Variants in TMEM64 observed in about 807,000 individuals in gnomAD.
The protein encoded by TMEM64 is transmembrane protein 64.
A neutral mutation model predicts 24.5 loss-of-function variants in TMEM64; 19 were observed. The observed-to-expected ratio is 0.78, with a 90% CI of 0.54 to 1.14. The LOEUF (loss-of-function observed/expected upper bound fraction) is 1.14. TMEM64 is among the 50% of genes most tolerant of loss of function. The pLI, the probability that TMEM64 is intolerant of heterozygous loss-of-function variation, is 0.00. For missense variants in TMEM64, 487 were observed against 493.0 expected (o/e 0.99, Z 0.12); for synonymous variants, 262 against 224.7 (o/e 1.17, Z -1.49).
chr8:90,645,949 G>A lies in TMEM64; in HGVS notation c.-44C>T. The A allele has an allele frequency of 9.3e-7, 1 of 1,076,194 alleles. No individual in the cohort carries two copies. The highest frequency in any genetic ancestry group is 1.1e-6 in the Non-Finnish European group (1 of 876,890). The allele number at this position is 1,076,194 out of a possible 1,614,324, so 66.7% of individuals were successfully genotyped here. A position where few individuals can be genotyped will look rare whatever the true frequency, so the allele number is the denominator to read the frequency against. On this transcript the variant is annotated 5_prime_UTR_variant, in exon 1 of 3. Coordinates refer to ENST00000458549, the MANE Select transcript of TMEM64 (RefSeq NM_001008495.4). The surrounding 1 kb of genome is among the most constrained non-coding windows in gnomAD (Gnocchi z 4.2). ...CCCTCAGCCGGCCAGCCCCTCCGCC[G>A]CGGCGCCCGTTAGGCAGCTGCCCTT... is the stretch of plus-strand genomic sequence containing the variant.
At chr8:90,630,604 C>T (rs577259844) in intron 2 of TMEM64, among the ~76,000 whole-genome samples, 1 of 152,144 alleles carries the variant, frequency 6.6e-6, no homozygotes, top group African/African-American at 2.4e-5. Flanking sequence ...TAAATATTCC[C>T]ATCATGGGCA....
At chr8:90,638,248 T>C (rs1809551592) in intron 1 of TMEM64, among the ~76,000 whole-genome samples, 2 of 152,352 alleles carry the variant, frequency 1.3e-5, no homozygotes, top group Non-Finnish European at 2.9e-5. Flanking sequence ...TGTCACACTA[T>C]GTCCCAGTCA....
intron 2 of TMEM64, among the ~76,000 whole-genome samples, chr8:90,627,406 C>T (rs950895308): frequency 2.7e-5 from 4 of 145,892 alleles, no homozygotes; most frequent in African/African-American, 1.0e-4. Flanking sequence ...TTACCGAAAA[C>T]TCCTAAGTTT....
At chr8:90,634,743 A>G (rs1809489613) in intron 1 of TMEM64, among the ~76,000 whole-genome samples, 2 of 152,162 alleles carry the variant, frequency 1.3e-5, no homozygotes, top group African/African-American at 4.8e-5. Context: ...TGCCACTACT[A>G]CTGATTTTGA....
At chr8:90,632,186 G>A (rs184679711) in intron 1 of TMEM64, among the ~76,000 whole-genome samples, 4 of 152,260 alleles carry the variant, frequency 2.6e-5, no homozygotes, top group Non-Finnish European at 5.9e-5. Context: ...TTGCTCTGTC[G>A]CCCAGAGTGG....
Position 90,641,075 on chromosome 8 carries a change from G to A in TMEM64, c.795+4036C>T, listed in dbSNP as rs531813045. 3.3e-5 allele frequency among the ~76,000 whole-genome samples: 5 copies of A among 152,264 alleles called. No individual in the cohort carries two copies. The South Asian group carries it at 1.0e-3, about 32-fold the overall frequency. On this transcript the variant is annotated intron_variant, in intron 1 of 2. Transcript: ENST00000458549. The stretch of plus-strand genomic sequence containing the variant: ...AAATAAAAATACAAGATATATGTGA[G>A]AAATTAAGGGCCTCTTCCTACAGTT...
At chr8:90,634,864 A>G (rs1200044043) in intron 1 of TMEM64, among the ~76,000 whole-genome samples, 2 of 152,216 alleles carry the variant, frequency 1.3e-5, no homozygotes, top group African/African-American at 2.4e-5. Flanking sequence ...AATCAGCTAT[A>G]GGTGAATCTA....
intron 1 of TMEM64, among the ~76,000 whole-genome samples, chr8:90,637,364 C>A (rs7826178): frequency 0.51 from 77,766 of 151,956 alleles, 22,087 homozygotes; most frequent in African/African-American, 0.74. Context: ...TTAACCCACC[C>A]AGAAACTTTG....
In TMEM64 at chr8:90,626,627, TTC is replaced by T. The variant is rs200447870; in HGVS notation, c.952-767_952-766del. Among the ~76,000 whole-genome samples, 124 of 135,778 alleles carry T rather than the reference TTC, an allele frequency of 9.1e-4. 2 individuals are homozygous for T. The highest frequency in any genetic ancestry group is 3.2e-3 in the African/African-American group (105 of 32,850). 89.1% of individuals were successfully genotyped at this position (135,778 alleles called of 152,430 possible). On this transcript the variant is annotated intron_variant, in intron 2 of 2. Transcript: ENST00000458549. Reference sequence around the variant, plus strand: ...TGGTCCCTCTGTACTTTTTTTTTCTTTCTTTTTTTTTTTTTTTTTTTGAGATG... The same window carrying T: ...TGGTCCCTCTGTACTTTTTTTTTCTTTTTTTTTTTTTTTTTTTTTGAGATG...
At chr8:90,635,913 C>T (rs1484327703) in intron 1 of TMEM64, among the ~76,000 whole-genome samples, 2 of 152,148 alleles carry the variant, frequency 1.3e-5, no homozygotes, top group East Asian at 1.9e-4. Context: ...AAATAGAACA[C>T]ATAATTGACA....
intron 1 of TMEM64, among the ~76,000 whole-genome samples, chr8:90,638,271 C>T (rs1809551793): frequency 6.6e-6 from 1 of 152,204 alleles, no homozygotes; most frequent in Non-Finnish European, 1.5e-5. Context: ...TCAAAATTTT[C>T]TCAGTTCCTA....
chr8:90,646,015 C>T lies in TMEM64; in HGVS notation c.-110G>A. On this transcript the variant is annotated 5_prime_UTR_variant, in exon 1 of 3. Coordinates refer to ENST00000458549, the MANE Select transcript of TMEM64 (RefSeq NM_001008495.4). The stretch of plus-strand genomic sequence containing the variant: ...GCCCGGCATCGACTCCCTGCGTCCG[C>T]TCAGAGGGTGGGAGACGGCCCGTAG... 2.1e-6 allele frequency: 1 copy of T among 482,718 alleles called. No homozygotes were observed. Among genetic ancestry groups the T allele is most frequent in the Non-Finnish European group, 2.8e-6 (1 of 360,826 alleles). 29.9% of individuals were successfully genotyped at this position (482,718 alleles called of 1,614,324 possible).
rs1297304267 is a variant in TMEM64, at chr8:90,645,428, C to A, written c.478G>T (p.Val160Phe). ...ATGAAGCCCACGACGAAGAGCAGGA[C>A]CCCCAGCAGCGAGTCAAGGCTCTCC... ...WVESLDSLLG[V>F]LLFVVGFIVV... The change falls in exon 1 of 3, where the codon GTC (valine) becomes TTC (phenylalanine). Residue 160 changes from valine (V) to phenylalanine (F), a missense_variant. Around this residue, in one of 3 missense-constraint regions of TMEM64, gnomAD observed 419 missense variants for 407.5 expected, o/e 1.03. Transcript: ENST00000458549. This position sits in a 1 kb window ranked among gnomAD's most constrained non-coding sequence, Gnocchi z 4.2. 1.9e-6 allele frequency: 3 copies of A among 1,551,600 alleles called. No individual in the cohort carries two copies. The highest frequency in any genetic ancestry group is 1.2e-5 in the South Asian group (1 of 84,066).
In TMEM64 at chr8:90,645,841, G is replaced by A; in HGVS notation, c.65C>T (p.Pro22Leu). 2.7e-6 allele frequency: 3 copies of A among 1,104,494 alleles called. No homozygotes were observed. Among genetic ancestry groups the A allele is most frequent in the South Asian group, 4.3e-5 (1 of 23,182 alleles). 68.4% of individuals were successfully genotyped at this position (1,104,494 alleles called of 1,614,324 possible). ...LPRLLQHAAL[P>L]GLAELPARWA... ...GCGGGCCGGCAGCTCGGCGAGGCCC[G>A]GGAGGGCGGCGTGCTGCAGCAGCCG... Residue 22 changes from proline to leucine, a missense_variant, in exon 1 of 3, where the codon CCG becomes CTG. Around this residue, in one of 3 missense-constraint regions of TMEM64, gnomAD observed 419 missense variants for 407.5 expected, o/e 1.03. Coordinates refer to ENST00000458549, the MANE Select transcript of TMEM64 (RefSeq NM_001008495.4). The surrounding 1 kb of genome is among the most constrained non-coding windows in gnomAD (Gnocchi z 4.2).
Position 90,645,433 on chromosome 8 carries a change from A to T in TMEM64, c.473T>A (p.Leu158Gln). The change falls in exon 1 of 3, where the codon CTG becomes CAG. Residue 158 changes from leucine to glutamine, a missense_variant. Leu to Gln is a moderately radical substitution (Grantham distance 113, BLOSUM62 -2). Around this residue, in one of 3 missense-constraint regions of TMEM64, gnomAD observed 419 missense variants for 407.5 expected, o/e 1.03. Transcript: ENST00000458549. This position sits in a 1 kb window ranked among gnomAD's most constrained non-coding sequence, Gnocchi z 4.2. ...LLWVESLDSLLGVLLFVVGFI... is the reference protein window; with the variant it reads ...LLWVESLDSLQGVLLFVVGFI... ...GCCCACGACGAAGAGCAGGACCCCCAGCAGCGAGTCAAGGCTCTCCACCCA... is the reference window on the plus strand; with the variant it reads ...GCCCACGACGAAGAGCAGGACCCCCTGCAGCGAGTCAAGGCTCTCCACCCA... 6.4e-7 allele frequency: 1 copy of T among 1,551,658 alleles called. No homozygotes were observed. The highest frequency in any genetic ancestry group is 8.7e-7 in the Non-Finnish European group (1 of 1,147,026).
In TMEM64 at chr8:90,645,496, A is replaced by G; in HGVS notation, c.410T>C (p.Leu137Pro). 1 of 1,550,914 alleles carries G rather than the reference A, an allele frequency of 6.4e-7. No individual in the cohort carries two copies. The highest frequency in any genetic ancestry group is 1.2e-5 in the South Asian group (1 of 84,062). Residue 137 changes from leucine (L) to proline (P), a missense_variant, in exon 1 of 3, where the codon CTG (leucine) becomes CCG (proline). By Grantham distance (98) the Leu-to-Pro change is moderately conservative. Coordinates refer to ENST00000458549, the MANE Select transcript of TMEM64 (RefSeq NM_001008495.4). The surrounding 1 kb of genome is among the most constrained non-coding windows in gnomAD (Gnocchi z 4.2). ...GTGAAGGTAGCGGCGGACCAGGGCC[A>G]GGGAAGCGAAGCACAGGGCGGCCAA... ...CVLAALCFASLALVRRYLHHL... is the reference protein window; with the variant it reads ...CVLAALCFASPALVRRYLHHL...
In TMEM64 at chr8:90,645,439, G is replaced by T; in HGVS notation, c.467C>A (p.Ser156Ter). Residue 156 changes from serine to a stop codon, truncating the protein, a stop_gained, in exon 1 of 3, where the codon TCG becomes TAG. Transcript: ENST00000458549. LOFTEE classifies it high-confidence loss of function. This position sits in a 1 kb window ranked among gnomAD's most constrained non-coding sequence, Gnocchi z 4.2. Reference sequence around the variant, plus strand: ...GACGAAGAGCAGGACCCCCAGCAGCGAGTCAAGGCTCTCCACCCACAGCAG... The same window carrying T: ...GACGAAGAGCAGGACCCCCAGCAGCTAGTCAAGGCTCTCCACCCACAGCAG... ...HLLLWVESLD[S>*]LLGVLLFVVG... 6.4e-7 allele frequency: 1 copy of T among 1,551,600 alleles called. No individual in the cohort carries two copies. Among genetic ancestry groups the T allele is most frequent in the Non-Finnish European group, 8.7e-7 (1 of 1,147,030 alleles).
chr8:90,635,849 G>T (rs1586129067), intron 1 of TMEM64, among the ~76,000 whole-genome samples: 2 of 152,250 alleles, frequency 1.3e-5, no homozygotes, highest in South Asian at 4.1e-4. Context: ...AAAAATTTCA[G>T]AATGCAACAC....
At chr8:90,637,062 TCACTTCAC>T (rs1202257592) in intron 1 of TMEM64, among the ~76,000 whole-genome samples, 1 of 152,082 alleles carries the variant, frequency 6.6e-6, no homozygotes, top group Non-Finnish European at 1.5e-5. Flanking sequence ...ATGTGGAACA[TCACTTCAC>T]CACTATACCA....
Sources: gnomAD v4.1 joint callset for allele counts (sites outside exome capture counted in the v4.1 genomes callset) on GRCh38, gnomAD v4.1.1 for gene constraint, gnomAD v4.1.1 regional missense constraint, Gnocchi (gnomAD v3.1) non-coding constraint, MANE v1.5 for transcripts, NCBI Gene and HGNC (gene_info 2026-07-23, HGNC 2026-07-21) for gene names.